FRMPD2: variants seen among roughly 807,000 people sequenced by gnomAD.
FRMPD2 encodes the protein FERM and PDZ domain-containing protein 2.
FRMPD2 carries 96 observed loss-of-function variants against 140.1 expected under a neutral mutation model. That is an observed-to-expected ratio of 0.69 (90% CI 0.58 to 0.81). The LOEUF (loss-of-function observed/expected upper bound fraction) is 0.81. FRMPD2 is among the 40% of genes least tolerant of loss of function. The pLI is 0.00. For synonymous variants in FRMPD2, 449 were observed against 547.6 expected, an observed-to-expected ratio of 0.82 and a Z score of 2.52; for missense variants, 1,240 against 1,447.4, an observed-to-expected ratio of 0.86 and a Z score of 2.32.
At chr10:48,273,033 A>G (rs1194972264) in intron 1 of FRMPD2, among the ~76,000 whole-genome samples, 1 of 152,246 alleles carries the variant, frequency 6.6e-6, no homozygotes, top group East Asian at 1.9e-4. Flanking sequence ...TAGAATTTGT[A>G]ATAAAGAGTA....
intron 1 of FRMPD2, among the ~76,000 whole-genome samples, chr10:48,257,373 A>G (rs1039275342): frequency 2.6e-5 from 4 of 151,798 alleles, no homozygotes; most frequent in Non-Finnish European, 5.9e-5. Context: ...TCCACCTCCC[A>G]GGTTCAAGCA....
At chr10:48,266,019 G>T (rs892206990) in intron 1 of FRMPD2, among the ~76,000 whole-genome samples, 1 of 152,160 alleles carries the variant, frequency 6.6e-6, no homozygotes, top group African/African-American at 2.4e-5. Context: ...TATACACCAT[G>T]GAATATTATG....
intron 20 of FRMPD2, among the ~76,000 whole-genome samples, chr10:48,184,345 T>C (rs971905501): frequency 2.6e-5 from 4 of 151,942 alleles, no homozygotes; most frequent in African/African-American, 7.3e-5. Context: ...TTAGAGTAGG[T>C]TACTCCCTTT....
intron 9 of FRMPD2, among the ~76,000 whole-genome samples, chr10:48,233,171 C>T (rs1445207898): frequency 1.3e-5 from 2 of 152,146 alleles, no homozygotes; most frequent in East Asian, 1.9e-4. Flanking sequence ...TTAGTGCCAT[C>T]GAGACCATGC....
chr10:48,200,310 C>T (rs894875646), intron 15 of FRMPD2, among the ~76,000 whole-genome samples: 1 of 152,186 alleles, frequency 6.6e-6, no homozygotes, highest in African/African-American at 2.4e-5. Flanking sequence ...CCTGAACCAA[C>T]CAATCAGAGC....
intron 12 of FRMPD2, among the ~76,000 whole-genome samples, chr10:48,220,900 C>A (rs1018925521): frequency 6.6e-6 from 1 of 152,190 alleles, no homozygotes; most frequent in East Asian, 1.9e-4. Flanking sequence ...TACCACCTCA[C>A]TCCTGCAAGA....
Position 48,222,397 on chromosome 10 carries a change from C to T in FRMPD2, c.1371G>A (p.Glu457=), listed in dbSNP as rs1425075455. 6.2e-7 allele frequency: 1 copy of T among 1,614,192 alleles called. No individual in the cohort carries two copies. Among genetic ancestry groups the T allele is most frequent in the Admixed American group, 1.7e-5 (1 of 60,026 alleles). ...FYLQLRKDIL[E]ERLYCNEEIL... is the part of the protein sequence containing the mutation. ...TCTCTTCATTGCAGTACAGCCTCTC[C>T]TCCAGGATATCTTTCCGAAGCTGCA... is the stretch of plus-strand genomic sequence containing the variant. The change falls in exon 12 of 29, where the codon GAG becomes GAA. Residue 457 remains glutamate, a synonymous_variant. Transcript: ENST00000374201.
chr10:48,227,148 G>A (rs1404390426), intron 10 of FRMPD2, among the ~76,000 whole-genome samples: 7 of 152,172 alleles, frequency 4.6e-5, no homozygotes, highest in African/African-American at 1.7e-4. Flanking sequence ...TGAATTGGCA[G>A]GAGAAAAACA....
At chr10:48,184,948 G>C (rs1838643854) in intron 18 of FRMPD2, 67 bp from the exon 19 acceptor site, 3 of 1,213,008 alleles carry the variant, frequency 2.5e-6, no homozygotes, top group Middle Eastern at 3.8e-4. Context: ...GAGAGGTTAG[G>C]TTATTTCCCT....
chr10:48,164,471 C>T (rs1838042500), intron 27 of FRMPD2, among the ~76,000 whole-genome samples: 2 of 149,348 alleles, frequency 1.3e-5, no homozygotes, highest in African/African-American at 5.0e-5. Context: ...CCAGCACTTC[C>T]ACCCCATGAT....
chr10:48,209,783 G>A (rs1839277840), intron 13 of FRMPD2, among the ~76,000 whole-genome samples: 1 of 152,188 alleles, frequency 6.6e-6, no homozygotes, highest in South Asian at 2.1e-4. Flanking sequence ...AAGGAATGAA[G>A]CAGAAATACA....
chr10:48,168,768 T>C, intron 26 of FRMPD2, 75 bp from the exon 27 acceptor site: 1 of 479,278 alleles, frequency 2.1e-6, no homozygotes, highest in Non-Finnish European at 3.9e-6. Context: ...CCCCACTGCG[T>C]CCCAGGCACT....
intron 14 of FRMPD2, 191 bp from the exon 15 acceptor site, chr10:48,201,575 C>T: frequency 2.0e-6 from 1 of 499,422 alleles, no homozygotes; most frequent in Non-Finnish European, 3.6e-6. Context: ...TTTAGTTTTT[C>T]CTTCATTCAT....
In FRMPD2 at chr10:48,244,869, A is replaced by T; in HGVS notation, c.310-20T>A. ...ATGCATCTGCCCAAAAGAAGAGTAC[A>T]TGATTAGATTTCAATCATCTCTGTT... On this transcript the variant is annotated intron_variant, in intron 3 of 28. Transcript: ENST00000374201. 1.9e-6 allele frequency: 3 copies of T among 1,561,916 alleles called. No homozygotes were observed. Among genetic ancestry groups the T allele is most frequent in the South Asian group, 1.1e-5 (1 of 90,050 alleles).
rs190808052 is a variant in FRMPD2 at position 48,263,483 on chromosome 10, G to A, written c.25+11060C>T. On this transcript the variant is annotated intron_variant, in intron 1 of 28. Transcript: ENST00000374201. ...TAACTAAAATCACAAATGAAATAAG[G>A]GCCATCACTACTGATCCCATGGATA... Among the ~76,000 whole-genome samples the A allele has an allele frequency of 6.6e-4, 100 of 151,956 alleles. 1 individual carries two copies. In the East Asian group the frequency reaches 0.017, roughly 26 times the overall value.
intron 1 of FRMPD2, among the ~76,000 whole-genome samples, chr10:48,264,496 C>A (rs1840648372): frequency 6.6e-6 from 1 of 151,936 alleles, no homozygotes; most frequent in Non-Finnish European, 1.5e-5. Context: ...GCAATGACAA[C>A]TGAAATGTGA....
At chr10:48,246,144 C>T (rs374417510) in intron 3 of FRMPD2, among the ~76,000 whole-genome samples, 7 of 138,626 alleles carry the variant, frequency 5.0e-5, no homozygotes, top group African/African-American at 2.3e-4. Flanking sequence ...TGGTAGGCAG[C>T]CACTTCTTTC....
rs571793063 is a variant in FRMPD2 at position 48,160,168 on chromosome 10, C to A, written c.3882-2798G>T. On this transcript the variant is annotated intron_variant, in intron 28 of 28. Coordinates refer to ENST00000374201, the MANE Select transcript of FRMPD2 (RefSeq NM_001018071.4). ...AGCCAAGCTTTCCCTCTGATAGGCA[C>A]GTAATCCAACTCTCCTTCATAAAAA... Among the ~76,000 whole-genome samples the A allele has an allele frequency of 2.2e-4, 34 of 151,582 alleles. 2 individuals carry two copies. Among genetic ancestry groups the A allele is most frequent in the Non-Finnish European group, 4.3e-4 (29 of 67,928 alleles).
chr10:48,222,023 T>TGGAC (rs1554796571), intron 12 of FRMPD2, among the ~76,000 whole-genome samples: 2 of 149,872 alleles, frequency 1.3e-5, no homozygotes, highest in Non-Finnish European at 3.0e-5. Context: ...GATGGATGGA[T>TGGAC]AGATGGATGG....
Sources: allele counts gnomAD v4.1 joint callset (sites outside exome capture counted in the v4.1 genomes callset), GRCh38; gene constraint gnomAD v4.1.1; transcripts MANE v1.5; gene names NCBI Gene and HGNC (gene_info 2026-07-23, HGNC 2026-07-21).